Variants in NEU1 observed in about 807,000 individuals in gnomAD.
NEU1 encodes sialidase-1.
Under a neutral mutation model 38.3 loss-of-function variants are expected in NEU1, and 32 were observed. The ratio of observed to expected loss-of-function variants is 0.84; its 90% CI spans 0.63 to 1.12. The LOEUF is 1.12. NEU1 is among the 50% of genes most tolerant of loss of function. The pLI, the probability that NEU1 is intolerant of heterozygous loss-of-function variation, is 0.00. For missense variants in NEU1, 431 were observed against 549.2 expected (o/e 0.78, Z 2.15); for synonymous variants, 192 against 225.2 (o/e 0.85, Z 1.32).
chr6:31,861,843 A>T (rs1418979710), intron 2 of NEU1, 156 bp downstream of exon 2: 1 of 825,938 alleles, frequency 1.2e-6, no homozygotes, highest in Non-Finnish European at 2.1e-6. Context: ...TTTCCAGATC[A>T]CTGTCCTAGA....
chr6:31,862,788 G>T lies in NEU1; in HGVS notation c.-12C>A, dbSNP rs745930347. On this transcript the variant is annotated 5_prime_UTR_variant, in exon 1 of 6. It adds an upstream start codon to the 5' untranslated region. Coordinates refer to ENST00000375631, the MANE Select transcript of NEU1 (RefSeq NM_000434.4). The surrounding 1 kb of genome is among the most constrained non-coding windows in gnomAD (Gnocchi z 6.3). ...CGCTCCCCAGTCATCTCTCCCCGCA[G>T]CTGCCGCGACCCTGGCAGCTAGACT... The T allele has an allele frequency of 6.2e-7, 1 of 1,612,394 alleles. No individual in the cohort carries two copies. Among genetic ancestry groups the T allele is most frequent in the African/African-American group, 1.3e-5 (1 of 74,918 alleles).
rs770303419 is a variant in NEU1, at chr6:31,862,023, C to T, written c.328G>A (p.Ala110Thr). The change falls in exon 2 of 6, where the codon GCC (alanine) becomes ACC (threonine). Residue 110 changes from alanine to threonine, a missense_variant. Physicochemically the swap from Ala to Thr is moderately conservative, Grantham distance 58 (BLOSUM62 0). Coordinates refer to ENST00000375631, the MANE Select transcript of NEU1 (RefSeq NM_000434.4). This position sits in a 1 kb window ranked among gnomAD's most constrained non-coding sequence, Gnocchi z 6.3. ...CCCTGGTCCATGGACCTCCGCAGGG[C>T]GATGAACTTGGCCCCCTCATCGGAT... ...SSSDEGAKFI[A>T]LRRSMDQGST... is the part of the protein sequence containing the mutation. 1 of 1,612,958 alleles carries T rather than the reference C, an allele frequency of 6.2e-7. No individual in the cohort carries two copies. Among genetic ancestry groups the T allele is most frequent in the South Asian group, 1.1e-5 (1 of 91,088 alleles).
rs117434478 is a variant in NEU1, at chr6:31,860,897, C to T, written c.616-276G>A. 38 of 618,354 alleles carry T rather than the reference C, an allele frequency of 6.1e-5. No individual in the cohort carries two copies. The East Asian group carries it at 9.3e-4, about 15-fold the overall frequency. The allele number at this position is 618,354 out of a possible 1,614,324, so 38.3% of individuals were successfully genotyped here. On this transcript the variant is annotated intron_variant, in intron 3 of 5. Coordinates refer to ENST00000375631, the MANE Select transcript of NEU1 (RefSeq NM_000434.4). The surrounding 1 kb of genome is among the most constrained non-coding windows in gnomAD (Gnocchi z 4.8). Reference sequence around the variant, plus strand: ...GTGCTCACTCGCCAAGCTGTGCACCCTGGCACAGGCTTGTGTCTGTCCAAA... The same window carrying T: ...GTGCTCACTCGCCAAGCTGTGCACCTTGGCACAGGCTTGTGTCTGTCCAAA...
chr6:31,860,673 G>A lies in NEU1; in HGVS notation c.616-52C>T. The A allele has an allele frequency of 6.2e-7, 1 of 1,603,140 alleles. No homozygotes were observed. The highest frequency in any genetic ancestry group is 1.1e-5 in the South Asian group (1 of 90,838). ...AGAAGGAGACTCTAGGGGCTCAGAG[G>A]CAGGGACAGAGAACCCACCACTTCC... On this transcript the variant is annotated intron_variant, in intron 3 of 5. Transcript: ENST00000375631. This position sits in a 1 kb window ranked among gnomAD's most constrained non-coding sequence, Gnocchi z 4.8.
Position 31,860,346 on chromosome 6 carries a change from G to C in NEU1, c.799-82C>G. The C allele has an allele frequency of 1.9e-6, 3 of 1,603,144 alleles. No homozygotes were observed. Among genetic ancestry groups the C allele is most frequent in the Admixed American group, 1.7e-5 (1 of 59,998 alleles). The stretch of plus-strand genomic sequence containing the variant: ...GGGGAGCAAGGGTGTGTGGCACTGA[G>C]TGGAGCAGTCAGACCCTGGGTCTGT... On this transcript the variant is annotated intron_variant, in intron 4 of 5. Coordinates refer to ENST00000375631, the MANE Select transcript of NEU1 (RefSeq NM_000434.4). The surrounding 1 kb of genome is among the most constrained non-coding windows in gnomAD (Gnocchi z 4.8).
Position 31,861,451 on chromosome 6 carries a change from C to G in NEU1, c.353-1G>C. On this transcript the variant is annotated splice_acceptor_variant, in intron 2 of 5. Coordinates refer to ENST00000375631, the MANE Select transcript of NEU1 (RefSeq NM_000434.4). LOFTEE classifies it high-confidence loss of function. ...AACGCTGTAGGAGACCATGTGCTGC[C>G]TGAAAAAAATTGGAGGAAGAAACCC... is the stretch of plus-strand genomic sequence containing the variant. The G allele has an allele frequency of 6.2e-7, 1 of 1,612,780 alleles. No individual in the cohort carries two copies. The highest frequency in any genetic ancestry group is 8.5e-7 in the Non-Finnish European group (1 of 1,180,030).
At position 31,860,591 on chromosome 6, in the gene NEU1, T is replaced by A. The variant is rs1762472144; in HGVS notation, c.646A>T (p.Ile216Phe). 6.2e-7 allele frequency: 1 copy of A among 1,613,858 alleles called. No homozygotes were observed. Among genetic ancestry groups the A allele is most frequent in the African/African-American group, 1.3e-5 (1 of 74,898 alleles). Residue 216 changes from isoleucine (I) to phenylalanine (F), a missense_variant, in exon 4 of 6, where the codon ATC (isoleucine) becomes TTC (phenylalanine). By Grantham distance (21) the Ile-to-Phe change is conservative. Transcript: ENST00000375631. The surrounding 1 kb of genome is among the most constrained non-coding windows in gnomAD (Gnocchi z 4.8). Reference protein sequence around the residue: ...KQREPRKGRLIVCGHGTLERD... With the variant: ...KQREPRKGRLFVCGHGTLERD... ...TCCAGCGTCCCATGGCCACACACGA[T>A]GAGGCGGCCCTTCCGTGGCTCCCGC...
Position 31,862,597 on chromosome 6 carries a change from G to A in NEU1, c.159+21C>T. On this transcript the variant is annotated intron_variant, in intron 1 of 5. Transcript: ENST00000375631. This position sits in a 1 kb window ranked among gnomAD's most constrained non-coding sequence, Gnocchi z 6.3. ...ATCACCTGCGCGGGTCGGGGATGGG[G>A]CTATGCAAAGGGTGACTCACCAGAC... 2 of 1,613,056 alleles carry A rather than the reference G, an allele frequency of 1.2e-6. No homozygotes were observed. The highest frequency in any genetic ancestry group is 1.7e-6 in the Non-Finnish European group (2 of 1,180,024).
At position 31,859,859 on chromosome 6, in the gene NEU1, A is replaced by G; in HGVS notation, c.1108T>C (p.Tyr370His). Reference protein sequence around the residue: ...TVQLWPGPSGYSSLATLEGSM... With the variant: ...TVQLWPGPSGHSSLATLEGSM... ...CCCTCCAGGGTTGCCAGGGATGAATAGCCACTGGGGCCTGGCCATAGCTGG... is the reference window on the plus strand; with the variant it reads ...CCCTCCAGGGTTGCCAGGGATGAATGGCCACTGGGGCCTGGCCATAGCTGG... The change falls in exon 6 of 6, where the codon TAT becomes CAT. Residue 370 changes from tyrosine to histidine, a missense_variant. Physicochemically the swap from Tyr to His is moderately conservative, Grantham distance 83. Coordinates refer to ENST00000375631, the MANE Select transcript of NEU1 (RefSeq NM_000434.4). 2 of 1,613,000 alleles carry G rather than the reference A, an allele frequency of 1.2e-6. No individual in the cohort carries two copies. The highest frequency in any genetic ancestry group is 1.7e-6 in the Non-Finnish European group (2 of 1,180,008).
At chr6:31,861,809 T>C (rs1379135881) in intron 2 of NEU1, 190 bp downstream of exon 2, 4 of 701,040 alleles carry the variant, frequency 5.7e-6, no homozygotes, top group African/African-American at 1.8e-5. Context: ...GCTAAGTGAA[T>C]GTCCAACTCC....
Position 31,860,170 on chromosome 6 carries a change from G to A in NEU1, c.893C>T (p.Ala298Val), listed in dbSNP as rs104893981. Residue 298 changes from alanine (A) to valine (V), a missense_variant, in exon 5 of 6, where the codon GCC (alanine) becomes GTC (valine). Physicochemically the swap from Ala to Val is moderately conservative, Grantham distance 64. Coordinates refer to ENST00000375631, the MANE Select transcript of NEU1 (RefSeq NM_000434.4). This position sits in a 1 kb window ranked among gnomAD's most constrained non-coding sequence, Gnocchi z 4.8. The part of the protein sequence containing the change: ...HCRIVLRSYD[A>V]CDTLRPRDVT... ...ATCACGGGGCCTTAGTGTATCACAG[G>A]CATCATAGCTGCGGAGGACAATTCG... 40 of 1,612,898 alleles carry A rather than the reference G, an allele frequency of 2.5e-5. No individual in the cohort carries two copies. The highest frequency in any genetic ancestry group is 1.3e-5 in the African/African-American group (1 of 74,912).
chr6:31,862,039 C>G lies in NEU1; in HGVS notation c.312G>C (p.Glu104Asp). 6.2e-7 allele frequency: 1 copy of G among 1,613,114 alleles called. No individual in the cohort carries two copies. The highest frequency in any genetic ancestry group is 8.5e-7 in the Non-Finnish European group (1 of 1,180,042). ...AEARKMSSSDEGAKFIALRRS... is the reference protein window; with the variant it reads ...AEARKMSSSDDGAKFIALRRS... The stretch of plus-strand genomic sequence containing the variant: ...TCCGCAGGGCGATGAACTTGGCCCC[C>G]TCATCGGATGAGGACATTTTCCTCG... Residue 104 changes from glutamate (E) to aspartate (D), a missense_variant, in exon 2 of 6, where the codon GAG (glutamate) becomes GAC (aspartate). Glu to Asp is a conservative substitution (Grantham distance 45, BLOSUM62 2). Transcript: ENST00000375631. The surrounding 1 kb of genome is among the most constrained non-coding windows in gnomAD (Gnocchi z 6.3).
Position 31,860,780 on chromosome 6 carries a change from C to T in NEU1, c.616-159G>A, listed in dbSNP as rs1762480195. 4 of 785,748 alleles carry T rather than the reference C, an allele frequency of 5.1e-6. No individual in the cohort carries two copies. Among genetic ancestry groups the T allele is most frequent in the Admixed American group, 4.2e-5 (2 of 47,698 alleles). 48.7% of individuals were successfully genotyped at this position (785,748 alleles called of 1,614,324 possible). The stretch of plus-strand genomic sequence containing the variant: ...CAGTCAGATCCCATAAATACACACC[C>T]TGTTTGAATTAAGAAGCTCTCCCAG... On this transcript the variant is annotated intron_variant, in intron 3 of 5. Transcript: ENST00000375631. The surrounding 1 kb of genome is among the most constrained non-coding windows in gnomAD (Gnocchi z 4.8).
At chr6:31,861,075 A>C (rs1762488731) in intron 3 of NEU1, 113 bp downstream of exon 3, 2 of 1,516,018 alleles carry the variant, frequency 1.3e-6, no homozygotes, top group Non-Finnish European at 1.8e-6. Flanking sequence ...AATCCCACCC[A>C]AGCCAGAAAA....
rs1394389111 is a variant in NEU1, at chr6:31,861,304, C to T, written c.499G>A (p.Ala167Thr). Residue 167 changes from alanine (A) to threonine (T), a missense_variant, in exon 3 of 6, where the codon GCC becomes ACC. Physicochemically the swap from Ala to Thr is moderately conservative, Grantham distance 58. Coordinates refer to ENST00000375631, the MANE Select transcript of NEU1 (RefSeq NM_000434.4). ...LCAHKAGCQV[A>T]STMLVWSKDD... ...TTGCTCCATACCAACATGGTAGAGG[C>T]CACCTGGCAGCCGGCCTTGTGAGCA... The T allele has an allele frequency of 6.2e-7, 1 of 1,613,006 alleles. No homozygotes were observed. Among genetic ancestry groups the T allele is most frequent in the Non-Finnish European group, 8.5e-7 (1 of 1,180,022 alleles).
rs104893986 is a variant in NEU1 at position 31,862,708 on chromosome 6, C to T, written c.69G>A (p.Trp23Ter). ...CAAACACCCAAACCCTACAGCCTCCCCAGAAGCCCAGAATCCGCGGCCCCC... is the reference window on the plus strand; with the variant it reads ...CAAACACCCAAACCCTACAGCCTCCTCAGAAGCCCAGAATCCGCGGCCCCC... ...RRWGPRILGF[W>*]GGCRVWVFAA... Residue 23 changes from tryptophan to a stop codon, truncating the protein, a stop_gained, in exon 1 of 6, where the codon TGG becomes TGA. Transcript: ENST00000375631. LOFTEE classifies it high-confidence loss of function. This position sits in a 1 kb window ranked among gnomAD's most constrained non-coding sequence, Gnocchi z 6.3. 2 of 1,613,002 alleles carry T rather than the reference C, an allele frequency of 1.2e-6. No homozygotes were observed. Among genetic ancestry groups the T allele is most frequent in the Non-Finnish European group, 8.5e-7 (1 of 1,180,018 alleles).
Position 31,860,268 on chromosome 6 carries a change from A to G in NEU1, c.799-4T>C, listed in dbSNP as rs759065536. 27 of 1,613,058 alleles carry G rather than the reference A, an allele frequency of 1.7e-5. 1 individual carries two copies. Among genetic ancestry groups the G allele is most frequent in the Middle Eastern group, 1.6e-4 (1 of 6,084 alleles). ...AGCCATCTGGGAGCTCATAGGGCTGAGGGGAGAGGACAGGACCTCAGGGAG... is the reference window on the plus strand; with the variant it reads ...AGCCATCTGGGAGCTCATAGGGCTGGGGGGAGAGGACAGGACCTCAGGGAG... On this transcript the variant is annotated splice_region_variant and splice_polypyrimidine_tract_variant and intron_variant, in intron 4 of 5. Transcript: ENST00000375631. The surrounding 1 kb of genome is among the most constrained non-coding windows in gnomAD (Gnocchi z 4.8).
rs1762463033 is a variant in NEU1 at position 31,860,428 on chromosome 6, G to T, written c.798+11C>A. ...GTCAAATGGGTAGGGAACATCTCAT[G>T]GACTCCTGACCTGGCATTCATCAGG... On this transcript the variant is annotated intron_variant, in intron 4 of 5. Transcript: ENST00000375631. The surrounding 1 kb of genome is among the most constrained non-coding windows in gnomAD (Gnocchi z 4.8). 1 of 1,613,838 alleles carries T rather than the reference G, an allele frequency of 6.2e-7. No homozygotes were observed. The highest frequency in any genetic ancestry group is 1.3e-5 in the African/African-American group (1 of 74,848).
rs1399690115 is a variant in NEU1 at position 31,858,705 on chromosome 6, C to G, written c.*1014G>C. On this transcript the variant is annotated 3_prime_UTR_variant, in exon 6 of 6. Coordinates refer to ENST00000375631, the MANE Select transcript of NEU1 (RefSeq NM_000434.4). ...ACTCATTACACCTGTGAAGATCAACCTGTTTCTCGGTGATAAGAAGGAATG... is the reference window on the plus strand; with the variant it reads ...ACTCATTACACCTGTGAAGATCAACGTGTTTCTCGGTGATAAGAAGGAATG... 1 of 151,820 alleles carries G rather than the reference C, an allele frequency of 6.6e-6. No homozygotes were observed. Among genetic ancestry groups the G allele is most frequent in the African/African-American group, 2.4e-5 (1 of 41,324 alleles). 9.4% of individuals were successfully genotyped at this position (151,820 alleles called of 1,614,324 possible).
Sources: allele counts gnomAD v4.1 joint callset, GRCh38; gene constraint gnomAD v4.1.1; non-coding constraint Gnocchi (gnomAD v3.1); transcripts MANE v1.5; gene names NCBI Gene and HGNC (gene_info 2026-07-23, HGNC 2026-07-21).